Variants in DAB1 observed in about 807,000 individuals in gnomAD.
The protein encoded by DAB1 is disabled homolog 1.
Under a neutral mutation model 64.6 loss-of-function variants are expected in DAB1, and 15 were observed. The observed-to-expected ratio is 0.23, with a 90% CI of 0.16 to 0.36. DAB1 has a LOEUF of 0.36. Among genes scored for constraint, DAB1 ranks in the 10% least tolerant of loss-of-function variants. The pLI is 1.00. For missense variants in DAB1, 596 were observed against 706.7 expected (o/e 0.84, Z 1.78); for synonymous variants, 235 against 251.9 (o/e 0.93, Z 0.64).
chr1:58,019,502 A>G (rs1014365787), intron 5 of DAB1, among the ~76,000 whole-genome samples: 2 of 152,230 alleles, frequency 1.3e-5, no homozygotes, highest in Non-Finnish European at 2.9e-5. Flanking sequence ...ATTACTATTT[A>G]TTGAGTACCT....
intron 5 of DAB1, among the ~76,000 whole-genome samples, chr1:58,118,333 T>C (rs1056119403): frequency 1.3e-5 from 2 of 149,276 alleles, no homozygotes; most frequent in Admixed American, 6.8e-5. Flanking sequence ...CTATAGCGCA[T>C]TCAGCTTAAG....
At chr1:57,117,356 G>A (rs552949539) in intron 4 of DAB1, among the ~76,000 whole-genome samples, 29 of 152,272 alleles carry the variant, frequency 1.9e-4, no homozygotes, top group African/African-American at 5.8e-4. Flanking sequence ...CATTGGAGCC[G>A]CATAACTACT....
rs570812540 is a variant in DAB1, at chr1:57,010,953, T to A, written c.1573-163A>T. On this transcript the variant is annotated intron_variant, in intron 13 of 14. Coordinates refer to ENST00000371236, the MANE Select transcript of DAB1 (RefSeq NM_001365792.1). The stretch of plus-strand genomic sequence containing the variant: ...ACAAATGTGGACTTGTAGTAACAAT[T>A]TAATAAAAAGGCAGTCCTTTTCAGC... Among the ~76,000 whole-genome samples the A allele has an allele frequency of 5.3e-5, 8 of 152,292 alleles. No individual in the cohort carries two copies. In the South Asian group the frequency reaches 1.7e-3, roughly 32 times the overall value.
At chr1:58,105,813 A>G (rs1043274668) in intron 5 of DAB1, among the ~76,000 whole-genome samples, 2 of 152,208 alleles carry the variant, frequency 1.3e-5, no homozygotes, top group Non-Finnish European at 1.5e-5. Flanking sequence ...AACTCACTCC[A>G]AAAAGGCAAT....
At chr1:58,053,200 C>T (rs2094061) in intron 5 of DAB1, among the ~76,000 whole-genome samples, 74,004 of 152,110 alleles carry the variant, frequency 0.49, 20,034 homozygotes, top group Non-Finnish European at 0.62. Flanking sequence ...CAAAACCCCA[C>T]TCTTGGTACC....
intron 1 of DAB1, among the ~76,000 whole-genome samples, chr1:57,303,188 T>C (rs1261406806): frequency 6.6e-6 from 1 of 152,174 alleles, no homozygotes; most frequent in Non-Finnish European, 1.5e-5. Context: ...ATGGGGGTTA[T>C]ATACTGCATG....
At chr1:57,635,892 G>A (rs1210549692) in intron 7 of DAB1, among the ~76,000 whole-genome samples, 2 of 151,658 alleles carry the variant, frequency 1.3e-5, no homozygotes, top group Non-Finnish European at 2.9e-5. Flanking sequence ...TCAGGAGATC[G>A]AGACCATCCT....
In DAB1 at chr1:57,096,932, G is replaced by C. The variant is rs1444281940; in HGVS notation, c.307-24518C>G. Among the ~76,000 whole-genome samples the C allele has an allele frequency of 2.6e-5, 4 of 152,240 alleles. No homozygotes were observed. The East Asian group carries it at 7.7e-4, about 29-fold the overall frequency. ...TTCTGGGCTCCTATAACATAGGAGG[G>C]CTTACTGATCACAGCCCTTGCCCCA... On this transcript the variant is annotated intron_variant, in intron 4 of 14. Transcript: ENST00000371236.
chr1:57,063,131 G>C (rs1190339236), intron 8 of DAB1, among the ~76,000 whole-genome samples, 188 bp from the exon 9 acceptor site: 1 of 152,086 alleles, frequency 6.6e-6, no homozygotes, highest in East Asian at 1.9e-4. Context: ...GCATCAGATG[G>C]GGACAGGGAG....
chr1:58,143,972 A>G (rs536786876), intron 5 of DAB1, among the ~76,000 whole-genome samples: 1 of 152,290 alleles, frequency 6.6e-6, no homozygotes, highest in African/African-American at 2.4e-5. Flanking sequence ...TTTTTCCTCC[A>G]TTTAATTCCT....
At chr1:57,126,016 C>A (rs748131642) in intron 4 of DAB1, among the ~76,000 whole-genome samples, 3 of 152,160 alleles carry the variant, frequency 2.0e-5, no homozygotes, top group Non-Finnish European at 2.9e-5. Flanking sequence ...ATGACCAAAT[C>A]ATGGACCCTG....
At chr1:57,622,720 C>A (rs1366856090) in intron 7 of DAB1, among the ~76,000 whole-genome samples, 1 of 152,180 alleles carries the variant, frequency 6.6e-6, no homozygotes, top group Non-Finnish European at 1.5e-5. Flanking sequence ...AAGCATTTTG[C>A]TGCTCCATCG....
At chr1:57,979,958 A>C (rs180927982) in intron 5 of DAB1, among the ~76,000 whole-genome samples, 4 of 152,162 alleles carry the variant, frequency 2.6e-5, no homozygotes, top group African/African-American at 9.7e-5. Flanking sequence ...GGACTTGTTC[A>C]TATCTTGAGT....
At chr1:57,785,602 G>A (rs1468741814) in intron 6 of DAB1, among the ~76,000 whole-genome samples, 1 of 152,146 alleles carries the variant, frequency 6.6e-6, no homozygotes, top group East Asian at 1.9e-4. Context: ...AGATGTGGTG[G>A]AACTAGCAAG....
chr1:58,289,852 T>C (rs1319873690), intron 4 of DAB1, among the ~76,000 whole-genome samples: 1 of 152,228 alleles, frequency 6.6e-6, no homozygotes, highest in Non-Finnish European at 1.5e-5. Flanking sequence ...AAATCCATCC[T>C]ACCCAAAAGA....
At chr1:57,361,787 C>T (rs958622093) in intron 1 of DAB1, among the ~76,000 whole-genome samples, 4 of 152,064 alleles carry the variant, frequency 2.6e-5, no homozygotes, top group South Asian at 2.1e-4. Flanking sequence ...GAGCTGCATC[C>T]GACCTGCAGA....
chr1:57,957,566 C>T lies in DAB1; in HGVS notation n.388-73404G>A, dbSNP rs1262823394. Among the ~76,000 whole-genome samples, 4 of 152,140 alleles carry T rather than the reference C, an allele frequency of 2.6e-5. No individual in the cohort carries two copies. In the East Asian group the frequency reaches 7.7e-4, roughly 29 times the overall value. ...AGAAGTGTATGCAGGAGACACCAAT[C>T]TGGATATTAGCACATAAACAGTATT... On this transcript the variant is annotated intron_variant and non_coding_transcript_variant, in intron 5 of 20. Coordinates refer to the DAB1 transcript ENST00000485760.
chr1:57,988,176 C>T (rs574852139), intron 5 of DAB1, among the ~76,000 whole-genome samples: 10 of 152,092 alleles, frequency 6.6e-5, no homozygotes, highest in Middle Eastern at 3.2e-3. Flanking sequence ...TTGCAAGCAG[C>T]GTAGTGAGAA....
intron 7 of DAB1, among the ~76,000 whole-genome samples, chr1:57,625,803 G>A (rs532181466): frequency 4.7e-4 from 71 of 152,188 alleles, no homozygotes; most frequent in African/African-American, 1.6e-3. Context: ...TGGCCAAAAG[G>A]AGAAGGCCTT....
Sources: gnomAD v4.1 joint callset for allele counts (sites outside exome capture counted in the v4.1 genomes callset) on GRCh38, gnomAD v4.1.1 for gene constraint, MANE v1.5 for transcripts, NCBI Gene and HGNC (gene_info 2026-07-23, HGNC 2026-07-21) for gene names.